KCTD13: variants seen among roughly 807,000 people sequenced by gnomAD.
KCTD13 encodes the protein potassium channel tetramerization domain containing 13.
Under a neutral mutation model 32.3 loss-of-function variants are expected in KCTD13, and 15 were observed. The ratio of observed to expected loss-of-function variants is 0.46; its 90% CI spans 0.31 to 0.71. KCTD13 has a LOEUF of 0.71. Ranked by LOEUF, KCTD13 falls within the 30% of genes least tolerant of loss-of-function variation. The probability of loss-of-function intolerance (pLI) is 0.05; values close to 1 mark genes in which losing one functional copy is unlikely to be tolerated. For missense variants in KCTD13, 337 were observed against 452.6 expected, an observed-to-expected ratio of 0.74 and a Z score of 2.32; for synonymous variants, 189 against 200.1, an observed-to-expected ratio of 0.94 and a Z score of 0.47.
intron 1 of KCTD13, 98 bp downstream of exon 1, chr16:29,925,692 G>T (rs1424260360): frequency 2.5e-6 from 3 of 1,200,588 alleles, no homozygotes; most frequent in Non-Finnish European, 3.6e-6. Flanking sequence ...ACAGTAGCGG[G>T]CAGAGAGAAG....
At position 29,926,090 on chromosome 16, in the gene KCTD13, TC is replaced by T. The variant is rs1319277174; in HGVS notation, c.-58del. On this transcript the variant is annotated 5_prime_UTR_variant, in exon 1 of 6. Transcript: ENST00000568000. ...GATCTCTCCGCGCCCTGCGGCCTGCTCCCGAAGACCCTCGGCCGGCCCCCAG... is the reference window on the plus strand; with the variant it reads ...GATCTCTCCGCGCCCTGCGGCCTGCTCCGAAGACCCTCGGCCGGCCCCCAG... 2 of 1,437,702 alleles carry T rather than the reference TC, an allele frequency of 1.4e-6. No homozygotes were observed. The highest frequency in any genetic ancestry group is 3.0e-5 in the African/African-American group (2 of 67,108). 89.1% of individuals were successfully genotyped at this position (1,437,702 alleles called of 1,614,324 possible).
At chr16:29,918,824 A>T (rs2068857755) in intron 2 of KCTD13, among the ~76,000 whole-genome samples, 1 of 151,912 alleles carries the variant, frequency 6.6e-6, no homozygotes, top group Non-Finnish European at 1.5e-5. Context: ...GGCCTGGCTA[A>T]TTTTTTTGTA....
At chr16:29,907,582 T>TTTGAGTCTAG (rs2068635491) in intron 5 of KCTD13, among the ~76,000 whole-genome samples, 1 of 151,708 alleles carries the variant, frequency 6.6e-6, no homozygotes, top group African/African-American at 2.4e-5. Context: ...AGGCCAGGAG[T>TTTGAGTCTAG]TTGAGTCTAG....
chr16:29,911,741 C>T, intron 4 of KCTD13, 74 bp downstream of exon 4: 2 of 1,540,248 alleles, frequency 1.3e-6, no homozygotes, highest in Admixed American at 3.5e-5. Flanking sequence ...GTGGCCGTGG[C>T]CCTCGCCTTG....
rs2068620268 is a variant in KCTD13, at chr16:29,906,772, C to CG, written c.*99dup. 1 of 1,026,780 alleles carries CG rather than the reference C, an allele frequency of 9.7e-7. No homozygotes were observed. Among genetic ancestry groups the CG allele is most frequent in the South Asian group, 1.5e-5 (1 of 68,402 alleles). 63.6% of individuals were successfully genotyped at this position (1,026,780 alleles called of 1,614,324 possible). Reference sequence around the variant, plus strand: ...CAATGAAGGGACAGAGGAGGACCCACGACTTGGCCAGCAGAGCCGGGGCAA... The same window carrying CG: ...CAATGAAGGGACAGAGGAGGACCCACGGACTTGGCCAGCAGAGCCGGGGCAA... On this transcript the variant is annotated 3_prime_UTR_variant, in exon 6 of 6. Coordinates refer to ENST00000568000, the MANE Select transcript of KCTD13 (RefSeq NM_178863.5).
rs2068941523 is a variant in KCTD13 at position 29,923,199 on chromosome 16, C to T, written c.405G>A (p.Leu135=). The T allele has an allele frequency of 6.2e-7, 1 of 1,614,164 alleles. No individual in the cohort carries two copies. The highest frequency in any genetic ancestry group is 1.3e-5 in the African/African-American group (1 of 75,048). ...LVQGLIEDCQ[L]ALQQKRETLS... is the part of the protein sequence containing the mutation. ...CTCCGAAGGCCCTCACCTGCAGCGC[C>T]AGCTGGCAGTCCTCAATCAGGCCCT... The change falls in exon 2 of 6, where the codon CTG becomes CTA. Residue 135 remains leucine, a synonymous_variant. Coordinates refer to ENST00000568000, the MANE Select transcript of KCTD13 (RefSeq NM_178863.5).
Position 29,911,095 on chromosome 16 carries a change from G to A in KCTD13, c.636C>T (p.Phe212=), listed in dbSNP as rs2068699825. 6.2e-7 allele frequency: 1 copy of A among 1,614,088 alleles called. No homozygotes were observed. Among genetic ancestry groups the A allele is most frequent in the Non-Finnish European group, 8.5e-7 (1 of 1,180,032 alleles). The part of the protein sequence containing the change: ...LALRFHGRLL[F]LKDVLGDEIC... ...TCTCGTCCCCCAGGACATCCTTGAGGAAGAGTAGCCGCCCGTGGAAGCGCA... is the reference window on the plus strand; with the variant it reads ...TCTCGTCCCCCAGGACATCCTTGAGAAAGAGTAGCCGCCCGTGGAAGCGCA... The change falls in exon 5 of 6, where the codon TTC becomes TTT. Residue 212 remains phenylalanine (F), a synonymous_variant. Transcript: ENST00000568000.
chr16:29,917,907 C>T (rs2150841310), intron 2 of KCTD13, among the ~76,000 whole-genome samples: 1 of 152,178 alleles, frequency 6.6e-6, no homozygotes, highest in South Asian at 2.1e-4. Context: ...GAGATGACAC[C>T]ATTGAACTCT....
chr16:29,907,503 C>G (rs1401549177), intron 5 of KCTD13, among the ~76,000 whole-genome samples: 1 of 152,112 alleles, frequency 6.6e-6, no homozygotes. Flanking sequence ...AAAATATAAA[C>G]TAGCCTGGCG....
intron 1 of KCTD13, among the ~76,000 whole-genome samples, chr16:29,923,746 G>A (rs1044590171): frequency 3.3e-5 from 5 of 151,778 alleles, no homozygotes; most frequent in Non-Finnish European, 7.4e-5. Context: ...CAGCTACTCG[G>A]GGGGGGGCGA....
rs2068709901 is a variant in KCTD13, at chr16:29,911,565, G to C, written c.557+250C>G. 3 of 592,018 alleles carry C rather than the reference G, an allele frequency of 5.1e-6. No homozygotes were observed. In the South Asian group the frequency reaches 6.1e-5, roughly 12 times the overall value. 36.7% of individuals were successfully genotyped at this position (592,018 alleles called of 1,614,324 possible). ...GGAGGACTCTGCCAGTTCCTAGAATGAGAGCACTTGGGATAGGCTCGCCAC... is the reference window on the plus strand; with the variant it reads ...GGAGGACTCTGCCAGTTCCTAGAATCAGAGCACTTGGGATAGGCTCGCCAC... On this transcript the variant is annotated intron_variant, in intron 4 of 5. Coordinates refer to ENST00000568000, the MANE Select transcript of KCTD13 (RefSeq NM_178863.5).
At chr16:29,912,237 A>G (rs906441491) in intron 2 of KCTD13, 188 bp from the exon 3 acceptor site, 3 of 618,034 alleles carry the variant, frequency 4.9e-6, no homozygotes, top group Non-Finnish European at 8.5e-6. Context: ...TCCCACGGAC[A>G]CCTTGCTGCT....
chr16:29,911,993 C>T lies in KCTD13; in HGVS notation c.471G>A (p.Arg157=), dbSNP rs2068721750. 3.1e-6 allele frequency: 5 copies of T among 1,611,590 alleles called. No homozygotes were observed. Among genetic ancestry groups the T allele is most frequent in the African/African-American group, 1.3e-5 (1 of 74,830 alleles). Residue 157 remains arginine, a synonymous_variant, in exon 3 of 6, where the codon CGG becomes CGA. Coordinates refer to ENST00000568000, the MANE Select transcript of KCTD13 (RefSeq NM_178863.5). ...LCLIPMVTSP[R]EEQQLLASTS... is the part of the protein sequence containing the mutation. ...TGCTGGCCAGGAGCTGCTGCTCCTC[C>T]CGGGGAGATGTCACCATGGGGATGA... is the stretch of plus-strand genomic sequence containing the variant.
chr16:29,911,992 C>T lies in KCTD13; in HGVS notation c.472G>A (p.Glu158Lys). Residue 158 changes from glutamate to lysine, a missense_variant, in exon 3 of 6, where the codon GAG (glutamate) becomes AAG (lysine). This residue lies in a region of KCTD13 where 252 missense variants were observed against 340.2 expected (regional missense o/e 0.74). Transcript: ENST00000568000. The stretch of plus-strand genomic sequence containing the variant: ...GTGCTGGCCAGGAGCTGCTGCTCCT[C>T]CCGGGGAGATGTCACCATGGGGATG... ...CLIPMVTSPR[E>K]EQQLLASTSK... The T allele has an allele frequency of 9.9e-6, 16 of 1,611,716 alleles. No individual in the cohort carries two copies. Among genetic ancestry groups the T allele is most frequent in the Non-Finnish European group, 1.4e-5 (16 of 1,179,184 alleles).
intron 2 of KCTD13, 174 bp downstream of exon 2, chr16:29,923,016 G>T: frequency 1.6e-6 from 1 of 640,404 alleles, no homozygotes; most frequent in Non-Finnish European, 2.7e-6. Flanking sequence ...GCTGGGGTGG[G>T]GGTGCTGCCT....
rs1465079289 is a variant in KCTD13 at position 29,911,076 on chromosome 16, C to A, written c.655G>T (p.Asp219Tyr). Residue 219 changes from aspartate to tyrosine, a missense_variant, in exon 5 of 6, where the codon GAC becomes TAC. By Grantham distance (160) the Asp-to-Tyr change is radical. Transcript: ENST00000568000. ...RLLFLKDVLG[D>Y]EICCWSFYGQ... ...TAGAAAGACCAGCAGCAGATCTCGT[C>A]CCCCAGGACATCCTTGAGGAAGAGT... 1.2e-6 allele frequency: 2 copies of A among 1,614,176 alleles called. No individual in the cohort carries two copies. The highest frequency in any genetic ancestry group is 8.5e-7 in the Non-Finnish European group (1 of 1,180,020).
At chr16:29,917,378 G>T (rs7197342) in intron 2 of KCTD13, among the ~76,000 whole-genome samples, 1 of 152,066 alleles carries the variant, frequency 6.6e-6, no homozygotes. Flanking sequence ...CAGGTATAGC[G>T]GATCACACCT....
At position 29,911,981 on chromosome 16, in the gene KCTD13, C is replaced by G. The variant is rs1200087274; in HGVS notation, c.483G>C (p.Gln161His). The part of the protein sequence containing the change: ...PMVTSPREEQ[Q>H]LLASTSKPVV... The stretch of plus-strand genomic sequence containing the variant: ...TCACCTTGGAGGTGCTGGCCAGGAG[C>G]TGCTGCTCCTCCCGGGGAGATGTCA... Residue 161 changes from glutamine (Q) to histidine (H), a missense_variant, in exon 3 of 6, where the codon CAG becomes CAC. This residue lies in a region of KCTD13 where 252 missense variants were observed against 340.2 expected (regional missense o/e 0.74). Transcript: ENST00000568000. 2 of 1,611,520 alleles carry G rather than the reference C, an allele frequency of 1.2e-6. No homozygotes were observed. The highest frequency in any genetic ancestry group is 1.7e-6 in the Non-Finnish European group (2 of 1,179,168).
chr16:29,912,667 C>G (rs745792671), intron 2 of KCTD13, among the ~76,000 whole-genome samples: 1 of 152,176 alleles, frequency 6.6e-6, no homozygotes, highest in Non-Finnish European at 1.5e-5. Context: ...CATGAACTCC[C>G]GAACTCAGGT....
Sources: gnomAD v4.1 joint callset for allele counts (sites outside exome capture counted in the v4.1 genomes callset) on GRCh38, gnomAD v4.1.1 for gene constraint, gnomAD v4.1.1 regional missense constraint, MANE v1.5 for transcripts, NCBI Gene and HGNC (gene_info 2026-07-23, HGNC 2026-07-21) for gene names.